The following MTHFSD variants were observed in gnomAD, a reference collection of about 807,000 sequenced individuals.
MTHFSD encodes the protein methenyltetrahydrofolate synthetase domain containing, also known as methenyltetrahydrofolate synthase domain-containing protein.
Under a neutral mutation model 31.1 loss-of-function variants are expected in MTHFSD, and 37 were observed. The ratio of observed to expected loss-of-function variants is 1.19; its 90% CI spans 0.91 to 1.56. MTHFSD has a LOEUF of 1.56. MTHFSD is among the 40% of genes most tolerant of loss of function. MTHFSD has a pLI of 0.00. For synonymous variants in MTHFSD, 221 were observed against 206.9 expected, an observed-to-expected ratio of 1.07 and a Z score of -0.59; for missense variants, 664 against 510.1, an observed-to-expected ratio of 1.30 and a Z score of -2.91.
chr16:86,552,005 T>C (rs988844725), intron 3 of MTHFSD, 28 bp downstream of exon 3: 4 of 1,613,542 alleles, frequency 2.5e-6, no homozygotes, highest in Admixed American at 3.3e-5. Context: ...CGGCCAGGTC[T>C]CGGCTCGGCT....
intron 2 of MTHFSD, 102 bp from the exon 3 acceptor site, chr16:86,552,248 G>A (rs372085923): frequency 6.2e-7 from 1 of 1,609,794 alleles, no homozygotes; most frequent in African/African-American, 1.3e-5. Flanking sequence ...TGGCCGTTTT[G>A]AACGCCTGCA....
intron 7 of MTHFSD, chr16:86,533,653 G>A (rs1970276664): frequency 6.6e-6 from 1 of 152,106 alleles, no homozygotes; most frequent in South Asian, 2.1e-4. Flanking sequence ...CCTTGGCAGG[G>A]TGAGAGAGGA....
intron 7 of MTHFSD, among the ~76,000 whole-genome samples, chr16:86,536,587 G>A (rs950615243): frequency 3.9e-5 from 6 of 152,222 alleles, no homozygotes; most frequent in South Asian, 2.1e-4. Flanking sequence ...GCAGCGCTGC[G>A]TTCGACTGTA....
chr16:86,548,493 C>G lies in MTHFSD; in HGVS notation c.322G>C (p.Asp108His). 6.2e-7 allele frequency: 1 copy of G among 1,613,900 alleles called. No homozygotes were observed. The highest frequency in any genetic ancestry group is 8.5e-7 in the Non-Finnish European group (1 of 1,179,952). Residue 108 changes from aspartate (D) to histidine (H), a missense_variant, in exon 4 of 8, where the codon GAC becomes CAC. Physicochemically the swap from Asp to His is moderately conservative, Grantham distance 81. Coordinates refer to ENST00000360900, the MANE Select transcript of MTHFSD (RefSeq NM_001159377.2). ...GAGGTGGCACATTTTCTCAAGATGT[C>G]TTTAGTTGCCCCAGGGGGTGGTGTG... ...KITPPPGATKDILRKCATSQG... is the reference protein window; with the variant it reads ...KITPPPGATKHILRKCATSQG...
At chr16:86,547,253 G>T (rs1972455205) in intron 4 of MTHFSD, 1 of 986,104 alleles carries the variant, frequency 1.0e-6, no homozygotes. Flanking sequence ...TCCCAAAAGT[G>T]TACCGCTTTA....
intron 3 of MTHFSD, 154 bp downstream of exon 3, chr16:86,551,879 G>A (rs537713872): frequency 7.1e-7 from 1 of 1,408,216 alleles, no homozygotes; most frequent in South Asian, 1.4e-5. Flanking sequence ...AACTATTCTT[G>A]GAAAAATCAC....
intron 2 of MTHFSD, among the ~76,000 whole-genome samples, chr16:86,554,434 C>T (rs982640914): frequency 1.3e-5 from 2 of 152,174 alleles, no homozygotes; most frequent in African/African-American, 4.8e-5. Context: ...CCAAACCACC[C>T]TGCACAGAGA....
At chr16:86,546,964 G>A (rs1344923877) in intron 4 of MTHFSD, among the ~76,000 whole-genome samples, 1 of 152,168 alleles carries the variant, frequency 6.6e-6, no homozygotes, top group Non-Finnish European at 1.5e-5. Context: ...GAAAACACAG[G>A]GGCAGAGTCC....
chr16:86,546,053 G>A lies in MTHFSD; in HGVS notation c.442+506C>T, dbSNP rs144154692. ...GAGAGCAGCCTGCCTCACATGCAGC[G>A]TGGCAAAGCACCAGGCCTGAGAAGA... is the stretch of plus-strand genomic sequence containing the variant. On this transcript the variant is annotated intron_variant, in intron 5 of 7. Coordinates refer to ENST00000360900, the MANE Select transcript of MTHFSD (RefSeq NM_001159377.2). 7.8e-3 allele frequency among the ~76,000 whole-genome samples: 1,190 copies of A among 152,296 alleles called. 59 individuals carry two copies. Among genetic ancestry groups the A allele is most frequent in the Admixed American group, 0.068 (1,036 of 15,304 alleles).
chr16:86,536,092 T>A (rs1970652206), intron 7 of MTHFSD, among the ~76,000 whole-genome samples: 2 of 152,220 alleles, frequency 1.3e-5, no homozygotes, highest in Admixed American at 1.3e-4. Flanking sequence ...TGGGCTCAAG[T>A]GATCCTCTTG....
At chr16:86,540,689 C>A in intron 7 of MTHFSD, 3 of 987,436 alleles carry the variant, frequency 3.0e-6, no homozygotes, top group Non-Finnish European at 3.6e-6. Context: ...GACCAGAGTT[C>A]CCAAGTGAAA....
chr16:86,552,113 G>C lies in MTHFSD; in HGVS notation c.157C>G (p.Leu53Val), dbSNP rs758999920. 1.2e-6 allele frequency: 2 copies of C among 1,614,068 alleles called. No individual in the cohort carries two copies. The highest frequency in any genetic ancestry group is 1.3e-5 in the African/African-American group (1 of 74,914). Residue 53 changes from leucine (L) to valine (V), a missense_variant, in exon 3 of 8, where the codon CTA (leucine) becomes GTA (valine). Transcript: ENST00000360900. The stretch of plus-strand genomic sequence containing the variant: ...TCCTGTGTTCTGGCAAAAACGTCTA[G>C]GTCTTTGATGTTTTGGCAAGCCAGA... ...SYLACQNIKD[L>V]DVFARTQEVK...
At chr16:86,554,814 C>T in intron 1 of MTHFSD, 63 bp from the exon 2 acceptor site, 1 of 1,426,794 alleles carries the variant, frequency 7.0e-7, no homozygotes, top group Non-Finnish European at 9.8e-7. Context: ...GCTGAAACCG[C>T]TTAACAGTAG....
chr16:86,547,365 C>T (rs927291793), intron 4 of MTHFSD: 90 of 985,576 alleles, frequency 9.1e-5, no homozygotes, highest in East Asian at 6.8e-4. Context: ...TTTTCAGTCC[C>T]GTATCCAGCA....
At chr16:86,549,748 T>C (rs1034977547) in intron 3 of MTHFSD, among the ~76,000 whole-genome samples, 5 of 152,272 alleles carry the variant, frequency 3.3e-5, no homozygotes, top group African/African-American at 7.2e-5. Context: ...CCTTGAGTGA[T>C]ACCACCATGT....
In MTHFSD at chr16:86,541,205, A is replaced by G. The variant is rs1287324238; in HGVS notation, c.681+492T>C. Reference sequence around the variant, plus strand: ...ACCTGTGCCATTACCTAATCTGGAGATAAAAACCACAAATGCATAAAATGT... The same window carrying G: ...ACCTGTGCCATTACCTAATCTGGAGGTAAAAACCACAAATGCATAAAATGT... On this transcript the variant is annotated intron_variant, in intron 7 of 7. Coordinates refer to ENST00000360900, the MANE Select transcript of MTHFSD (RefSeq NM_001159377.2). The G allele has an allele frequency of 3.1e-6, 4 of 1,289,816 alleles. No homozygotes were observed. In the South Asian group the frequency reaches 3.7e-5, roughly 12 times the overall value. The allele number at this position is 1,289,816 out of a possible 1,614,324, so 79.9% of individuals were successfully genotyped here.
At chr16:86,553,426 G>A (rs982756721) in intron 2 of MTHFSD, 1 of 152,746 alleles carries the variant, frequency 6.5e-6, no homozygotes, top group African/African-American at 2.4e-5. Flanking sequence ...GGGCGGTGTG[G>A]AGGGAGAGGC....
rs1972346169 is a variant in MTHFSD, at chr16:86,546,584, C to T, written c.417G>A (p.Val139=). 6.2e-7 allele frequency: 1 copy of T among 1,613,860 alleles called. No homozygotes were observed. Among genetic ancestry groups the T allele is most frequent in the Admixed American group, 1.7e-5 (1 of 59,996 alleles). Residue 139 remains valine, a synonymous_variant, in exon 5 of 8, where the codon GTG becomes GTA. Transcript: ENST00000360900. ...CTTTTTCAGAAACGGCGACGGATCC[C>T]ACCACAACTAAATCCACGAGGACTC... ...DSRVLVDLVV[V]GSVAVSEKGW...
intron 7 of MTHFSD, among the ~76,000 whole-genome samples, chr16:86,538,918 A>C (rs1971091098): frequency 6.6e-6 from 1 of 152,098 alleles, no homozygotes; most frequent in Non-Finnish European, 1.5e-5. Context: ...TCTGTGGGTG[A>C]GGCGATCGCC....
Sources: gnomAD v4.1 joint callset for allele counts (sites outside exome capture counted in the v4.1 genomes callset) on GRCh38, gnomAD v4.1.1 for gene constraint, MANE v1.5 for transcripts, NCBI Gene and HGNC (gene_info 2026-07-23, HGNC 2026-07-21) for gene names.